Variants in CDKL4 observed in about 807,000 individuals in gnomAD.
CDKL4 encodes the protein cyclin dependent kinase like 4, also known as cyclin-dependent kinase-like 4.
In CDKL4, 44 loss-of-function variants were observed where a neutral mutation model predicts 42.0. That is an observed-to-expected ratio of 1.05 (90% confidence interval 0.82 to 1.35). The LOEUF is 1.35. Among genes scored for constraint, CDKL4 ranks in the 40% most tolerant of loss-of-function variants. The probability of loss-of-function intolerance (pLI) is 0.00; values close to 1 mark genes in which losing one functional copy is unlikely to be tolerated. For missense variants in CDKL4, 393 were observed against 369.9 expected, an observed-to-expected ratio of 1.06 and a Z score of -0.51; for synonymous variants, 120 against 121.6, an observed-to-expected ratio of 0.99 and a Z score of 0.09.
intron 1 of CDKL4, among the ~76,000 whole-genome samples, chr2:39,236,582 T>C (rs1441253033): frequency 6.6e-6 from 1 of 152,008 alleles, no homozygotes; most frequent in African/African-American, 2.4e-5. Flanking sequence ...GGAACAACAA[T>C]ATGCTTAATG....
At chr2:39,170,286 A>G in the CDKL4 span, among the ~76,000 whole-genome samples, 13 of 145,988 alleles carry the variant, frequency 8.9e-5, no homozygotes, top group African/African-American at 3.2e-4. Flanking sequence ...CCAAAAAAAA[A>G]AAAAAAAAAG....
chr2:39,196,101 A>T (rs1379652948), intron 5 of CDKL4, among the ~76,000 whole-genome samples: 1 of 152,132 alleles, frequency 6.6e-6, no homozygotes, highest in Non-Finnish European at 1.5e-5. Flanking sequence ...CCACTGCCTG[A>T]TCCACCCTAT....
At chr2:39,188,822 T>C (rs1201506588) in intron 6 of CDKL4, among the ~76,000 whole-genome samples, 1 of 152,106 alleles carries the variant, frequency 6.6e-6, no homozygotes, top group Admixed American at 6.6e-5. Flanking sequence ...CCCGAGTAGC[T>C]GGAACTACAA....
chr2:39,212,684 G>C (rs760896139), intron 4 of CDKL4, among the ~76,000 whole-genome samples: 23 of 152,156 alleles, frequency 1.5e-4, no homozygotes, highest in Middle Eastern at 3.4e-3. Context: ...TTTGGAGACA[G>C]GGTCTCACTC....
intron 5 of CDKL4, among the ~76,000 whole-genome samples, chr2:39,201,838 G>A (rs927278116): frequency 2.0e-5 from 3 of 152,194 alleles, no homozygotes; most frequent in African/African-American, 7.2e-5. Flanking sequence ...TCAGCCGAAA[G>A]GGTCGGGCGG....
At chr2:39,235,833 A>C (rs1038967699) in intron 1 of CDKL4, among the ~76,000 whole-genome samples, 9 of 152,138 alleles carry the variant, frequency 5.9e-5, no homozygotes, top group Non-Finnish European at 1.3e-4. Context: ...AGTTTTCAAC[A>C]AAAAAATTAG....
At chr2:39,220,347 C>T (rs1228796648) in intron 3 of CDKL4, among the ~76,000 whole-genome samples, 1 of 152,104 alleles carries the variant, frequency 6.6e-6, no homozygotes, top group Admixed American at 6.5e-5. Flanking sequence ...TCCCCACCTC[C>T]CCTCAAGGTC....
At chr2:39,211,130 G>T (rs914182516) in intron 4 of CDKL4, among the ~76,000 whole-genome samples, 5 of 152,170 alleles carry the variant, frequency 3.3e-5, no homozygotes, top group African/African-American at 1.2e-4. Context: ...ATCATTGGCT[G>T]AGTGCAGTGG....
chr2:39,198,952 G>A (rs1465815819), intron 5 of CDKL4, among the ~76,000 whole-genome samples: 16 of 151,624 alleles, frequency 1.1e-4, no homozygotes, highest in Admixed American at 9.2e-4. Flanking sequence ...AAAAACAAAC[G>A]TAAACCCAGC....
At chr2:39,214,039 C>T (rs1026783685) in intron 3 of CDKL4, among the ~76,000 whole-genome samples, 2 of 152,090 alleles carry the variant, frequency 1.3e-5, no homozygotes, top group Non-Finnish European at 2.9e-5. Context: ...TCTCCTGCCT[C>T]AGCTTCCCAA....
At chr2:39,232,432 A>G (rs970179905) in intron 1 of CDKL4, among the ~76,000 whole-genome samples, 2 of 152,178 alleles carry the variant, frequency 1.3e-5, no homozygotes, top group Non-Finnish European at 2.9e-5. Flanking sequence ...CAACTATCCA[A>G]CTGCTTGATG....
At chr2:39,187,587 G>A (rs570089476) in intron 7 of CDKL4, 40 bp downstream of exon 7, 122 of 1,342,858 alleles carry the variant, frequency 9.1e-5, no homozygotes, top group South Asian at 8.7e-4. Flanking sequence ...AAAGAAAGCC[G>A]CAACACAAGT....
chr2:39,201,303 A>G (rs1676826502), intron 5 of CDKL4, among the ~76,000 whole-genome samples: 1 of 58,586 alleles, frequency 1.7e-5, no homozygotes, highest in African/African-American at 3.3e-5. Context: ...AACCAAAAAA[A>G]TAAAAAAAAA....
At position 39,219,431 on chromosome 2, in the gene CDKL4, A is replaced by T. The variant is rs192548742; in HGVS notation, c.291-5959T>A. On this transcript the variant is annotated intron_variant, in intron 3 of 9. Coordinates refer to ENST00000451199, the Ensembl canonical transcript of CDKL4. ...TATTTATTTATTTATTTATTTATTT[A>T]TTTTTTTGAGACAGAGTCTCGCTCT... Among the ~76,000 whole-genome samples the T allele has an allele frequency of 7.4e-3, 1,099 of 149,392 alleles. 10 individuals carry two copies. The highest frequency in any genetic ancestry group is 0.026 in the African/African-American group (1,044 of 39,944).
chr2:39,200,256 A>C (rs1212918554), intron 5 of CDKL4, among the ~76,000 whole-genome samples: 1 of 151,924 alleles, frequency 6.6e-6, no homozygotes, highest in African/African-American at 2.4e-5. Context: ...CAAAAAAATA[A>C]AATACTTAGG....
chr2:39,175,901 A>G (rs1675144136), exon 10 of CDKL4: 2 of 391,166 alleles, frequency 5.1e-6, no homozygotes, highest in Non-Finnish European at 5.2e-6. Context: ...TAATTTTCAT[A>G]TGGCTCATTT....
At chr2:39,176,662 G>A (rs1489824139) in intron 9 of CDKL4, among the ~76,000 whole-genome samples, 1 of 152,164 alleles carries the variant, frequency 6.6e-6, no homozygotes, top group Non-Finnish European at 1.5e-5. Flanking sequence ...TTGAACTCCT[G>A]ACCTCAGGTG....
At chr2:39,180,590 A>T (rs979728310) in intron 8 of CDKL4, among the ~76,000 whole-genome samples, 1 of 152,034 alleles carries the variant, frequency 6.6e-6, no homozygotes, top group Non-Finnish European at 1.5e-5. Flanking sequence ...ATGACCCCTA[A>T]TTAATGACCC....
chr2:39,187,416 C>A (rs565955708), intron 7 of CDKL4, among the ~76,000 whole-genome samples: 17 of 152,028 alleles, frequency 1.1e-4, no homozygotes, highest in Non-Finnish European at 2.1e-4. Flanking sequence ...CATGGTGGCT[C>A]ATATGAGTAA....
Sources: gnomAD v4.1 joint callset for allele counts (sites outside exome capture counted in the v4.1 genomes callset) on GRCh38, gnomAD v4.1.1 for gene constraint, MANE v1.5 for transcripts, NCBI Gene and HGNC (gene_info 2026-07-23, HGNC 2026-07-21) for gene names.